Variants in MBOAT2 observed in about 807,000 individuals in gnomAD.
The protein encoded by MBOAT2 is membrane-bound glycerophospholipid O-acyltransferase 2.
A neutral mutation model predicts 63.4 loss-of-function variants in MBOAT2; 28 were observed. The ratio of observed to expected loss-of-function variants is 0.44; its 90% CI spans 0.33 to 0.61. The LOEUF (loss-of-function observed/expected upper bound fraction) is 0.61, where lower values mean the gene tolerates loss of function less well. MBOAT2 is among the 20% of genes least tolerant of loss of function. The pLI is 0.03. For missense variants in MBOAT2, 470 were observed against 605.8 expected (o/e 0.78, Z 2.35); for synonymous variants, 211 against 215.6 (o/e 0.98, Z 0.19).
At chr2:8,933,519 T>C (rs1393070182) in intron 3 of MBOAT2, among the ~76,000 whole-genome samples, 1 of 152,120 alleles carries the variant, frequency 6.6e-6, no homozygotes, top group Non-Finnish European at 1.5e-5. Context: ...GTTATACAAT[T>C]TTTATAGAGG....
At chr2:8,920,088 T>C (rs759263172) in intron 3 of MBOAT2, among the ~76,000 whole-genome samples, 31 of 152,128 alleles carry the variant, frequency 2.0e-4, no homozygotes, top group Non-Finnish European at 8.8e-5. Flanking sequence ...TATGGGCAAT[T>C]ATTTGGTTGT....
intron 3 of MBOAT2, among the ~76,000 whole-genome samples, chr2:8,942,300 G>A (rs1282611419): frequency 6.6e-6 from 1 of 152,302 alleles, no homozygotes; most frequent in East Asian, 1.9e-4. Flanking sequence ...AGTTCTTGCA[G>A]ACATATGTGA....
chr2:8,854,055 TAA>T lies in MBOAT2; in HGVS notation c.*4622_*4623del, dbSNP rs1660927581. 6.6e-6 allele frequency: 1 copy of T among 152,260 alleles called. No homozygotes were observed. The highest frequency in any genetic ancestry group is 6.5e-5 in the Admixed American group (1 of 15,288). The allele number at this position is 152,260 out of a possible 1,614,324, so 9.4% of individuals were successfully genotyped here. ...CAAAAAGCAGCTTAAGCATTGATTATAAGAGCTTTCCTACAAAATACCGATGT... is the reference window on the plus strand; with the variant it reads ...CAAAAAGCAGCTTAAGCATTGATTATGAGCTTTCCTACAAAATACCGATGT... On this transcript the variant is annotated 3_prime_UTR_variant, in exon 13 of 13. Coordinates refer to ENST00000305997, the MANE Select transcript of MBOAT2 (RefSeq NM_138799.4).
intron 1 of MBOAT2, among the ~76,000 whole-genome samples, chr2:8,962,848 GA>G (rs1189682813): frequency 4.6e-5 from 7 of 151,964 alleles, no homozygotes; most frequent in African/African-American, 1.7e-4. Context: ...AATGTGGAAG[GA>G]AAAAGAACCT....
At chr2:8,970,175 A>G (rs2103307238) in intron 1 of MBOAT2, among the ~76,000 whole-genome samples, 1 of 152,368 alleles carries the variant, frequency 6.6e-6, no homozygotes, top group South Asian at 2.1e-4. Flanking sequence ...ACTGTCTCTC[A>G]GACCACAGTG....
intron 1 of MBOAT2, among the ~76,000 whole-genome samples, chr2:8,978,853 TAA>T (rs35710471): frequency 6.7e-6 from 1 of 148,656 alleles, no homozygotes; most frequent in African/African-American, 2.5e-5. Flanking sequence ...GCACCCATCT[TAA>T]AAAAAAAAGG....
In MBOAT2 at chr2:8,855,211, A is replaced by C. The variant is rs940291093; in HGVS notation, c.*3468T>G. On this transcript the variant is annotated 3_prime_UTR_variant, in exon 13 of 13. Transcript: ENST00000305997. ...ATAGTGTGGACTGTGAATGTGCCCA[A>C]GTCCTTGAATCCTACAGACCTTGCT... 1 of 152,254 alleles carries C rather than the reference A, an allele frequency of 6.6e-6. No homozygotes were observed. Among genetic ancestry groups the C allele is most frequent in the Non-Finnish European group, 1.5e-5 (1 of 68,056 alleles). 9.4% of individuals were successfully genotyped at this position (152,254 alleles called of 1,614,324 possible). A position where few individuals can be genotyped will look rare whatever the true frequency, so the allele number is the denominator to read the frequency against.
intron 2 of MBOAT2, among the ~76,000 whole-genome samples, chr2:8,944,205 A>G (rs540958266): frequency 2.5e-4 from 38 of 152,304 alleles, no homozygotes; most frequent in African/African-American, 9.1e-4. Flanking sequence ...CTTGAAATCC[A>G]CCATTAAATT....
At chr2:8,971,726 GACAA>G (rs1361374568) in intron 1 of MBOAT2, among the ~76,000 whole-genome samples, 11 of 152,240 alleles carry the variant, frequency 7.2e-5, no homozygotes, top group Admixed American at 3.3e-4. Flanking sequence ...ACCAATAACA[GACAA>G]ACAGAGAGCC....
chr2:8,912,297 A>AG (rs1179497566), intron 3 of MBOAT2, among the ~76,000 whole-genome samples: 2 of 120,196 alleles, frequency 1.7e-5, no homozygotes, highest in African/African-American at 6.7e-5. Context: ...AGGAAAAGAA[A>AG]GAAAAGAAAG....
At chr2:8,969,946 A>G (rs1402035574) in intron 1 of MBOAT2, among the ~76,000 whole-genome samples, 1 of 152,214 alleles carries the variant, frequency 6.6e-6, no homozygotes, top group African/African-American at 2.4e-5. Flanking sequence ...CACTGTCAAC[A>G]TCAGACAGAT....
chr2:8,901,633 G>A (rs893395527), intron 4 of MBOAT2, among the ~76,000 whole-genome samples: 1 of 152,170 alleles, frequency 6.6e-6, no homozygotes, highest in Non-Finnish European at 1.5e-5. Context: ...AATTTCTGAG[G>A]CACCCCGTAT....
chr2:8,943,344 C>T, intron 2 of MBOAT2, 80 bp from the exon 3 acceptor site: 2 of 810,146 alleles, frequency 2.5e-6, no homozygotes, highest in Non-Finnish European at 3.9e-6. Context: ...CTAAAAAATA[C>T]TTATGCATAA....
intron 3 of MBOAT2, among the ~76,000 whole-genome samples, chr2:8,914,888 T>C (rs1372750298): frequency 5.9e-5 from 9 of 151,744 alleles, no homozygotes; most frequent in Non-Finnish European, 1.3e-4. Flanking sequence ...ATATATTACT[T>C]AATGTGCTTT....
At chr2:8,949,382 G>GA (rs1668651750) in intron 2 of MBOAT2, among the ~76,000 whole-genome samples, 1 of 150,200 alleles carries the variant, frequency 6.7e-6, no homozygotes, top group Non-Finnish European at 1.5e-5. Flanking sequence ...AATTGCTTTT[G>GA]AGGACTTAGT....
intron 8 of MBOAT2, among the ~76,000 whole-genome samples, chr2:8,871,217 C>T (rs1384114064): frequency 6.6e-6 from 1 of 152,086 alleles, no homozygotes; most frequent in East Asian, 1.9e-4. Flanking sequence ...AGGCTGGTCT[C>T]AAACTTCTGG....
intron 3 of MBOAT2, among the ~76,000 whole-genome samples, chr2:8,925,330 T>TAA (rs1666860277): frequency 6.6e-6 from 1 of 152,152 alleles, no homozygotes; most frequent in Admixed American, 6.5e-5. Flanking sequence ...AAAAAACCTT[T>TAA]AGGTGGAAAG....
intron 3 of MBOAT2, among the ~76,000 whole-genome samples, chr2:8,937,142 T>G (rs1007699400): frequency 1.3e-5 from 2 of 152,154 alleles, no homozygotes; most frequent in Admixed American, 1.3e-4. Flanking sequence ...GAATCAGGGA[T>G]GAGACTTGCT....
At position 8,951,399 on chromosome 2, in the gene MBOAT2, C is replaced by T. The variant is rs138896717; in HGVS notation, c.221+7098G>A. 7.4e-3 allele frequency among the ~76,000 whole-genome samples: 1,118 copies of T among 152,068 alleles called. 12 individuals are homozygous for T. Among genetic ancestry groups the T allele is most frequent in the South Asian group, 0.02 (98 of 4,828 alleles). ...TTTGTGTTTTTAGTAGAGATGGGGT[C>T]TTGCCATGTTGGCCAGGCTGGTCTT... On this transcript the variant is annotated intron_variant, in intron 2 of 12. Coordinates refer to ENST00000305997, the MANE Select transcript of MBOAT2 (RefSeq NM_138799.4).
Sources: allele counts gnomAD v4.1 joint callset (sites outside exome capture counted in the v4.1 genomes callset), GRCh38; gene constraint gnomAD v4.1.1; transcripts MANE v1.5; gene names NCBI Gene and HGNC (gene_info 2026-07-23, HGNC 2026-07-21).